The following PTPA variants were observed in gnomAD, a reference collection of about 807,000 sequenced individuals.
The protein encoded by PTPA is protein phosphatase 2 phosphatase activator.
Under a neutral mutation model 43.6 loss-of-function variants are expected in PTPA, and 13 were observed. The observed-to-expected ratio is 0.30, with a 90% confidence interval of 0.19 to 0.47. The LOEUF (loss-of-function observed/expected upper bound fraction) is 0.47. Among genes scored for constraint, PTPA ranks in the 20% least tolerant of loss-of-function variants. PTPA has a pLI of 0.99. For synonymous variants in PTPA, 172 were observed against 158.2 expected (o/e 1.09, Z -0.66); for missense variants, 329 against 411.9 (o/e 0.80, Z 1.74).
Position 129,123,288 on chromosome 9 carries a change from ATG to A in PTPA, c.216+153_216+154del, listed in dbSNP as rs976557491. The A allele has an allele frequency of 2.2e-5, 13 of 591,218 alleles. No homozygotes were observed. The African/African-American group carries it at 2.4e-4, about 11-fold the overall frequency. 36.6% of individuals were successfully genotyped at this position (591,218 alleles called of 1,614,324 possible). A position where few individuals can be genotyped will look rare whatever the true frequency, so the allele number is the denominator to read the frequency against. On this transcript the variant is annotated intron_variant, in intron 3 of 9. Coordinates refer to ENST00000393370, the MANE Select transcript of PTPA (RefSeq NM_178000.3). Reference sequence around the variant, plus strand: ...GGAGATCGAGACCATCCTGGCCAACATGTGAAACCCCATCTCTAGTAAAAATA... The same window carrying A: ...GGAGATCGAGACCATCCTGGCCAACATGAAACCCCATCTCTAGTAAAAATA...
intron 1 of PTPA, among the ~76,000 whole-genome samples, chr9:129,115,054 C>G (rs527590329): frequency 6.6e-6 from 1 of 152,196 alleles, no homozygotes; most frequent in South Asian, 2.1e-4. Flanking sequence ...GGCTGGAGTG[C>G]AGTAGCATGA....
At chr9:129,125,690 C>T (rs1849531143) in intron 3 of PTPA, among the ~76,000 whole-genome samples, 1 of 152,152 alleles carries the variant, frequency 6.6e-6, no homozygotes, top group African/African-American at 2.4e-5. Flanking sequence ...TAAGAGTCAG[C>T]AGACTAGTCA....
chr9:129,131,429 T>C (rs1849960016), intron 4 of PTPA, 93 bp from the exon 5 acceptor site: 1 of 1,091,164 alleles, frequency 9.2e-7, no homozygotes, highest in African/African-American at 1.5e-5. Context: ...GGCAAGGCAG[T>C]GTGGGCCCCC....
chr9:129,128,950 T>C (rs2131581832), intron 3 of PTPA, 35 bp from the exon 4 acceptor site: 1 of 1,611,440 alleles, frequency 6.2e-7, no homozygotes, highest in Non-Finnish European at 8.5e-7. Flanking sequence ...AGCCACTTGC[T>C]CTGTAGCTTG....
chr9:129,134,891 A>G lies in PTPA; in HGVS notation c.557A>G (p.Asn186Ser), dbSNP rs142643111. ...ATAGCTATTGTCTTCAAGGTGTTCA[A>G]TCGGTGAGAGAAAGGACAGGAGGGT... Reference protein sequence around the residue: ...DQIAIVFKVFNRYLEVMRKLQ... With the variant: ...DQIAIVFKVFSRYLEVMRKLQ... Residue 186 changes from asparagine (N) to serine (S), a missense_variant, in exon 6 of 10, where the codon AAT becomes AGT. Physicochemically the swap from Asn to Ser is conservative, Grantham distance 46. Transcript: ENST00000393370. 6.0e-5 allele frequency: 96 copies of G among 1,611,648 alleles called. No homozygotes were observed. The highest frequency in any genetic ancestry group is 1.8e-4 in the East Asian group (8 of 44,862).
chr9:129,147,630 C>T lies in PTPA; in HGVS notation c.*166C>T, dbSNP rs1028976902. On this transcript the variant is annotated 3_prime_UTR_variant, in exon 10 of 10. Coordinates refer to ENST00000393370, the MANE Select transcript of PTPA (RefSeq NM_178000.3). ...GCTTGAGGGGGCTCAGAGCATAAGG[C>T]TTCAGGGCCCAAGTTGGGAGAAGTG... 12 of 709,160 alleles carry T rather than the reference C, an allele frequency of 1.7e-5. No individual in the cohort carries two copies. In the Admixed American group the frequency reaches 2.7e-4, roughly 16 times the overall value. The allele number at this position is 709,160 out of a possible 1,614,324, so 43.9% of individuals were successfully genotyped here.
rs561264487 is a variant in PTPA at position 129,117,113 on chromosome 9, G to A, written c.32-3400G>A. 5.3e-5 allele frequency among the ~76,000 whole-genome samples: 8 copies of A among 152,174 alleles called. No homozygotes were observed. In the South Asian group the frequency reaches 1.5e-3, roughly 28 times the overall value. ...GTCTTGCTCTGTCACCCAGGCTGGA[G>A]TGCAGCTCACTTCAGCCTCAGCCTC... On this transcript the variant is annotated intron_variant, in intron 1 of 9. Coordinates refer to ENST00000393370, the MANE Select transcript of PTPA (RefSeq NM_178000.3).
chr9:129,129,163 T>C, intron 4 of PTPA, 53 bp downstream of exon 4: 2 of 1,600,008 alleles, frequency 1.2e-6, no homozygotes, highest in South Asian at 2.2e-5. Context: ...AGGGTGGTTC[T>C]GGCACCAGTT....
intron 2 of PTPA, 105 bp downstream of exon 2, chr9:129,120,715 CTT>C: frequency 1.0e-6 from 1 of 959,856 alleles, no homozygotes; most frequent in South Asian, 1.5e-5. Context: ...TGGAGCCTGA[CTT>C]TTCAGAAGCT....
intron 8 of PTPA, 180 bp downstream of exon 8, chr9:129,137,872 T>G (rs987550910): frequency 3.0e-6 from 2 of 656,512 alleles, no homozygotes; most frequent in African/African-American, 3.6e-5. Flanking sequence ...CGCTGCTGAC[T>G]GTCAGGTCCT....
chr9:129,136,127 C>T (rs1051327098), intron 6 of PTPA, among the ~76,000 whole-genome samples: 37 of 152,164 alleles, frequency 2.4e-4, no homozygotes, highest in African/African-American at 8.9e-4. Context: ...ACCACCACAC[C>T]TGGCTGATTT....
intron 1 of PTPA, 134 bp from the exon 2 acceptor site, chr9:129,120,379 G>A (rs1849169977): frequency 8.0e-6 from 5 of 622,420 alleles, no homozygotes; most frequent in South Asian, 6.0e-5. Context: ...AGCCAAGATC[G>A]TGTCACTGGA....
chr9:129,146,910 T>C (rs894748440), intron 9 of PTPA, among the ~76,000 whole-genome samples: 50 of 152,348 alleles, frequency 3.3e-4, no homozygotes, highest in African/African-American at 1.2e-3. Flanking sequence ...CTGGTTCTTA[T>C]TGTCTCGCTC....
At chr9:129,115,460 C>T (rs1848802773) in intron 1 of PTPA, among the ~76,000 whole-genome samples, 2 of 152,148 alleles carry the variant, frequency 1.3e-5, no homozygotes, top group African/African-American at 4.8e-5. Context: ...TTCAGTTCCT[C>T]TCCAGACAGG....
chr9:129,113,466 C>G (rs1437306783), intron 1 of PTPA, among the ~76,000 whole-genome samples: 1 of 151,726 alleles, frequency 6.6e-6, no homozygotes. Flanking sequence ...AACAAGCTAG[C>G]CTTAGAAGTT....
chr9:129,147,187 C>T (rs796862927), intron 9 of PTPA, among the ~76,000 whole-genome samples, 200 bp from the exon 10 acceptor site: 7 of 152,284 alleles, frequency 4.6e-5, no homozygotes, highest in African/African-American at 1.7e-4. Context: ...TTCTCTTTCT[C>T]TCTCTCGTGG....
chr9:129,147,470 G>A lies in PTPA; in HGVS notation c.*6G>A. 1 of 1,612,948 alleles carries A rather than the reference G, an allele frequency of 6.2e-7. No homozygotes were observed. Among genetic ancestry groups the A allele is most frequent in the Middle Eastern group, 1.7e-4 (1 of 5,806 alleles). ...ATCCTGTCACGTCGGGCTAGGAGGG[G>A]CCAAGCCGAAGAGCCACCCAGGCCA... On this transcript the variant is annotated 3_prime_UTR_variant, in exon 10 of 10. Transcript: ENST00000393370.
Position 129,142,447 on chromosome 9 carries a change from G to T in PTPA, c.789G>T (p.Met263Ile). Residue 263 changes from methionine (M) to isoleucine (I), a missense_variant and splice_region_variant, in exon 9 of 10, where the codon ATG becomes ATT. Transcript: ENST00000393370. ...FLECILFITE[M>I]KTGPFAEHSN... ...AGCTTGTGGCTTCTCTTTTTCAGAT[G>T]AAGACTGGCCCATTTGCAGAGCACT... 6.4e-7 allele frequency: 1 copy of T among 1,571,310 alleles called. No individual in the cohort carries two copies. The highest frequency in any genetic ancestry group is 8.7e-7 in the Non-Finnish European group (1 of 1,154,708).
chr9:129,147,456 T>C lies in PTPA; in HGVS notation c.964T>C (p.Ser322Pro). Residue 322 changes from serine to proline, a missense_variant, in exon 10 of 10, where the codon TCG (serine) becomes CCG (proline). Coordinates refer to ENST00000393370, the MANE Select transcript of PTPA (RefSeq NM_178000.3). ...GSLLPIHPVT[S>P]G ...CCTGCTGCCCATCCATCCTGTCACG[T>C]CGGGCTAGGAGGGGCCAAGCCGAAG... is the stretch of plus-strand genomic sequence containing the variant. 1 of 1,613,780 alleles carries C rather than the reference T, an allele frequency of 6.2e-7. No individual in the cohort carries two copies. The highest frequency in any genetic ancestry group is 8.5e-7 in the Non-Finnish European group (1 of 1,179,956).
Sources: allele counts gnomAD v4.1 joint callset (sites outside exome capture counted in the v4.1 genomes callset), GRCh38; gene constraint gnomAD v4.1.1; transcripts MANE v1.5; gene names NCBI Gene and HGNC (gene_info 2026-07-23, HGNC 2026-07-21).